The following SCN9A variants were observed in gnomAD, a reference collection of about 807,000 sequenced individuals.
SCN9A encodes the protein sodium channel protein type 9 subunit alpha.
In SCN9A, 131 loss-of-function variants were observed where a neutral mutation model predicts 187.0. The observed-to-expected ratio is 0.70, with a 90% CI of 0.61 to 0.81. The LOEUF is 0.81. Among genes scored for constraint, SCN9A ranks in the 30% least tolerant of loss-of-function variants. The probability of loss-of-function intolerance (pLI) is 0.00; values close to 1 mark genes in which losing one functional copy is unlikely to be tolerated. For missense variants in SCN9A, 2,252 were observed against 2,396.6 expected, an observed-to-expected ratio of 0.94 and a Z score of 1.26; for synonymous variants, 809 against 808.6, an observed-to-expected ratio of 1.00 and a Z score of -0.01.
At chr2:166,320,156 A>T (rs1481065458) in intron 1 of SCN9A, among the ~76,000 whole-genome samples, 2 of 152,058 alleles carry the variant, frequency 1.3e-5, no homozygotes, top group Admixed American at 6.6e-5. Flanking sequence ...ACTTTTTTTT[A>T]AAAAAGCGGG....
intron 24 of SCN9A, among the ~76,000 whole-genome samples, chr2:166,206,322 T>C (rs1307787375): frequency 2.0e-5 from 3 of 152,132 alleles, no homozygotes; most frequent in Non-Finnish European, 4.4e-5. Flanking sequence ...CACCATGGAA[T>C]ACTATGCAGC....
intron 17 of SCN9A, among the ~76,000 whole-genome samples, chr2:166,267,001 A>G (rs1285215066): frequency 6.6e-6 from 1 of 152,004 alleles, no homozygotes; most frequent in Admixed American, 6.6e-5. Context: ...ATATAAAAAC[A>G]AAGAGAATTT....
In SCN9A at chr2:166,284,633, G is replaced by A. The variant is rs1697649944; in HGVS notation, c.1794C>T (p.Arg598=). ...LFVPHRPQER[R]SSNISQASRS... ...TACTGGCTTGGCTGATGTTACTGCT[G>A]CGTCGCTCCTGGGGTCTGTGGGGCA... The change falls in exon 12 of 27, where the codon CGC becomes CGT. Residue 598 remains arginine, a synonymous_variant. Coordinates refer to ENST00000642356, the MANE Select transcript of SCN9A (RefSeq NM_001365536.1). The A allele has an allele frequency of 6.2e-7, 1 of 1,613,878 alleles. No homozygotes were observed. Among genetic ancestry groups the A allele is most frequent in the South Asian group, 1.1e-5 (1 of 91,088 alleles).
chr2:166,206,273 A>G (rs1180090988), intron 24 of SCN9A, among the ~76,000 whole-genome samples: 1 of 152,224 alleles, frequency 6.6e-6, no homozygotes, highest in East Asian at 1.9e-4. Context: ...CCAAATGTCC[A>G]TCAATAATAG....
At chr2:166,284,090 A>G (rs1455438664) in intron 12 of SCN9A, among the ~76,000 whole-genome samples, 1 of 152,172 alleles carries the variant, frequency 6.6e-6, no homozygotes, top group East Asian at 1.9e-4. Context: ...AGTAATCCAA[A>G]TTTCTTCATA....
intron 18 of SCN9A, among the ~76,000 whole-genome samples, chr2:166,251,303 G>T (rs1696025895): frequency 6.6e-6 from 1 of 152,052 alleles, no homozygotes; most frequent in Admixed American, 6.6e-5. Context: ...AGAACTCTAA[G>T]ACAAATAAAA....
Position 166,272,656 on chromosome 2 carries a change from T to A in SCN9A, c.3094A>T (p.Thr1032Ser). The A allele has an allele frequency of 6.2e-7, 1 of 1,612,750 alleles. No homozygotes were observed. Reference sequence around the variant, plus strand: ...TTAGAAATATAGTTTTCCTTCTTAGTATTCAGATCTTCTGCTTGTCTTATC... The same window carrying A: ...TTAGAAATATAGTTTTCCTTCTTAGAATTCAGATCTTCTGCTTGTCTTATC... ...REIRQAEDLN[T>S]KKENYISNHT... Residue 1032 changes from threonine (T) to serine (S), a missense_variant, in exon 17 of 27, where the codon ACT becomes TCT. By Grantham distance (58) the Thr-to-Ser change is moderately conservative. Coordinates refer to ENST00000642356, the MANE Select transcript of SCN9A (RefSeq NM_001365536.1).
chr2:166,350,541 T>C (rs1014464394), intron 1 of SCN9A, among the ~76,000 whole-genome samples: 1 of 152,248 alleles, frequency 6.6e-6, no homozygotes, highest in Non-Finnish European at 1.5e-5. Flanking sequence ...AGTAATTCAC[T>C]AATGAAATTT....
intron 9 of SCN9A, among the ~76,000 whole-genome samples, chr2:166,290,864 T>C (rs1698033202): frequency 6.6e-6 from 1 of 152,194 alleles, no homozygotes; most frequent in Non-Finnish European, 1.5e-5. Context: ...GAGAAGGTCT[T>C]CAATAAAATG....
At chr2:166,220,897 G>A (rs1694556500) in intron 24 of SCN9A, among the ~76,000 whole-genome samples, 2 of 152,184 alleles carry the variant, frequency 1.3e-5, no homozygotes, top group Admixed American at 1.3e-4. Context: ...ATTTTATATG[G>A]AGAGTACCCT....
rs762462693 is a variant in SCN9A, at chr2:166,199,265, C to T, written c.5374G>A (p.Asp1792Asn). 13 of 1,613,986 alleles carry T rather than the reference C, an allele frequency of 8.1e-6. No homozygotes were observed. Among genetic ancestry groups the T allele is most frequent in the African/African-American group, 6.7e-5 (5 of 74,888 alleles). ...GAGAACTCTATAAACTGGGTCGCAT[C>T]GGGATCAAACTTCTCCCAAACCTCA... ...FYEVWEKFDP[D>N]ATQFIEFSKL... The change falls in exon 27 of 27, where the codon GAT (aspartate) becomes AAT (asparagine). Residue 1792 changes from aspartate to asparagine, a missense_variant. This residue lies in a region of SCN9A where 345 missense variants were observed against 344.6 expected (regional missense o/e 1.00). Transcript: ENST00000642356.
At chr2:166,276,912 A>G in intron 16 of SCN9A, 71 bp downstream of exon 16, 1 of 1,150,966 alleles carries the variant, frequency 8.7e-7, no homozygotes, top group Non-Finnish European at 1.2e-6. Context: ...AAATTATAAA[A>G]ATAATAGATC....
intron 1 of SCN9A, among the ~76,000 whole-genome samples, chr2:166,374,930 A>C (rs1357349030): frequency 1.3e-5 from 2 of 151,910 alleles, no homozygotes; most frequent in East Asian, 3.8e-4. Flanking sequence ...AAAAAAAAAA[A>C]CTAAAATAAT....
intron 23 of SCN9A, 147 bp downstream of exon 23, chr2:166,227,523 T>G: frequency 1.6e-6 from 1 of 637,106 alleles, no homozygotes; most frequent in South Asian, 2.0e-5. Context: ...ACTGCTGTAC[T>G]CACAACCACT....
chr2:166,250,927 A>G (rs181453460), intron 18 of SCN9A, among the ~76,000 whole-genome samples: 1 of 152,158 alleles, frequency 6.6e-6, no homozygotes, highest in Admixed American at 6.6e-5. Flanking sequence ...GCTTGAGGGT[A>G]AGGTAGATCA....
In SCN9A at chr2:166,373,661, C is replaced by T. The variant is rs187145433; in HGVS notation, c.-51+2036G>A. On this transcript the variant is annotated intron_variant, in intron 1 of 26. Coordinates refer to ENST00000642356, the MANE Select transcript of SCN9A (RefSeq NM_001365536.1). ...GATTTCAATACTTGGATGGTGAAGG[C>T]ATTTATTCAGATAATGAAGATGGGA... 3.2e-3 allele frequency among the ~76,000 whole-genome samples: 488 copies of T among 151,986 alleles called. 5 individuals carry two copies. Among genetic ancestry groups the T allele is most frequent in the African/African-American group, 0.011 (466 of 41,478 alleles).
chr2:166,211,011 A>C (rs911472546), intron 24 of SCN9A, among the ~76,000 whole-genome samples: 4 of 152,050 alleles, frequency 2.6e-5, no homozygotes, highest in African/African-American at 9.7e-5. Flanking sequence ...GCAGTGAGCC[A>C]AGATCATGCT....
At chr2:166,352,861 C>T (rs2105301320) in intron 1 of SCN9A, among the ~76,000 whole-genome samples, 1 of 152,300 alleles carries the variant, frequency 6.6e-6, no homozygotes, top group East Asian at 1.9e-4. Context: ...TTGCCACCAA[C>T]AATTGATAAT....
At chr2:166,233,881 T>C (rs550233031) in intron 20 of SCN9A, among the ~76,000 whole-genome samples, 66 of 152,260 alleles carry the variant, frequency 4.3e-4, no homozygotes, top group African/African-American at 1.6e-3. Context: ...CTCAACTAAA[T>C]CTATGTCTTA....
Sources: gnomAD v4.1 joint callset for allele counts (sites outside exome capture counted in the v4.1 genomes callset) on GRCh38, gnomAD v4.1.1 for gene constraint, gnomAD v4.1.1 regional missense constraint, MANE v1.5 for transcripts, NCBI Gene and HGNC (gene_info 2026-07-23, HGNC 2026-07-21) for gene names.